The following LRRC40 variants were observed in gnomAD, a reference collection of about 807,000 sequenced individuals.
LRRC40 encodes leucine-rich repeat-containing protein 40.
A neutral mutation model predicts 72.8 loss-of-function variants in LRRC40; 76 were observed. The observed-to-expected ratio is 1.04, with a 90% CI of 0.87 to 1.26. LRRC40 has a LOEUF of 1.26. Ranked by LOEUF, LRRC40 falls within the 50% of genes most tolerant of loss-of-function variation. The pLI is 0.00. For synonymous variants in LRRC40, 243 were observed against 254.2 expected, an observed-to-expected ratio of 0.96 and a Z score of 0.42; for missense variants, 684 against 698.9, an observed-to-expected ratio of 0.98 and a Z score of 0.24.
intron 1 of LRRC40, among the ~76,000 whole-genome samples, chr1:70,192,273 T>C (rs1229647501): frequency 6.6e-6 from 1 of 152,230 alleles, no homozygotes; most frequent in East Asian, 1.9e-4. Context: ...TCTGCTTGGC[T>C]GTTGTTGGTT....
intron 9 of LRRC40, 59 bp from the exon 10 acceptor site, chr1:70,159,497 T>C: frequency 1.3e-6 from 1 of 754,664 alleles, no homozygotes. Flanking sequence ...TTGTTAAAAT[T>C]CTTGATAATA....
chr1:70,197,533 C>T (rs528464867), intron 1 of LRRC40, among the ~76,000 whole-genome samples: 1 of 151,776 alleles, frequency 6.6e-6, no homozygotes, highest in South Asian at 2.1e-4. Context: ...CCCACCTTGG[C>T]CTCCCAAAGT....
At chr1:70,152,402 TA>T in intron 12 of LRRC40, 30 bp downstream of exon 12, 1 of 1,129,634 alleles carries the variant, frequency 8.9e-7, no homozygotes, top group African/African-American at 1.6e-5. Flanking sequence ...TATAACTTTT[TA>T]AAAAGTCAAG....
chr1:70,205,354 C>G, intron 1 of LRRC40, 36 bp downstream of exon 1: 1 of 1,517,512 alleles, frequency 6.6e-7, no homozygotes, highest in Non-Finnish European at 8.9e-7. Context: ...GGCTTTCTGA[C>G]AGGAGACACA....
chr1:70,194,861 A>C (rs1668575566), intron 1 of LRRC40, among the ~76,000 whole-genome samples: 1 of 152,180 alleles, frequency 6.6e-6, no homozygotes, highest in African/African-American at 2.4e-5. Context: ...GTATTAGCAT[A>C]AGGATAAACA....
At position 70,145,566 on chromosome 1, in the gene LRRC40, T is replaced by C. The variant is rs1443991724; in HGVS notation, c.*234A>G. ...CAAATGTATGAACACATTGTGGTTA[T>C]CACCATTACAAATGTATACAACACC... On this transcript the variant is annotated 3_prime_UTR_variant, in exon 15 of 15. Coordinates refer to ENST00000370952, the MANE Select transcript of LRRC40 (RefSeq NM_017768.5). 15 of 302,784 alleles carry C rather than the reference T, an allele frequency of 5.0e-5. No individual in the cohort carries two copies. The East Asian group carries it at 8.2e-4, about 16-fold the overall frequency. 18.8% of individuals were successfully genotyped at this position (302,784 alleles called of 1,614,324 possible).
At chr1:70,146,101 T>G (rs1170586843) in intron 14 of LRRC40, among the ~76,000 whole-genome samples, 196 bp from the exon 15 acceptor site, 1 of 152,144 alleles carries the variant, frequency 6.6e-6, no homozygotes. Context: ...CTCAGCTTAT[T>G]GCAACCTCCA....
chr1:70,205,216 C>G (rs143426068), intron 1 of LRRC40, among the ~76,000 whole-genome samples, 174 bp downstream of exon 1: 1 of 152,176 alleles, frequency 6.6e-6, no homozygotes, highest in Non-Finnish European at 1.5e-5. Flanking sequence ...TGGGAAGGAA[C>G]TGAACTGGGC....
chr1:70,179,478 G>T (rs979275368), intron 5 of LRRC40, among the ~76,000 whole-genome samples: 1 of 152,038 alleles, frequency 6.6e-6, no homozygotes, highest in Non-Finnish European at 1.5e-5. Context: ...TTTAACAACA[G>T]TCCCGGTCAT....
At position 70,144,846 on chromosome 1, in the gene LRRC40, ATTTATC is replaced by A. The variant is rs1395903760; in HGVS notation, c.*948_*953del. On this transcript the variant is annotated 3_prime_UTR_variant, in exon 15 of 15. Transcript: ENST00000370952. ...GTAACTTTTATTCTGAACATGTAGT[ATTTATC>A]TTTATTAGCAATTTTTTTCATAATA... 1 of 152,118 alleles carries A rather than the reference ATTTATC, an allele frequency of 6.6e-6. No individual in the cohort carries two copies. The highest frequency in any genetic ancestry group is 1.5e-5 in the Non-Finnish European group (1 of 68,018). The allele number at this position is 152,118 out of a possible 1,614,324, so 9.4% of individuals were successfully genotyped here.
At position 70,189,152 on chromosome 1, in the gene LRRC40, G is replaced by C. The variant is rs560887853; in HGVS notation, c.273C>G (p.Asn91Lys). Residue 91 changes from asparagine (N) to lysine (K), a missense_variant, in exon 2 of 15, where the codon AAC (asparagine) becomes AAG (lysine). Transcript: ENST00000370952. ...QTDLTKLIIS[N>K]NKLQSLTDDL... ...CATCTGTAAGTGACTGAAGTTTATT[G>C]TTTGATATTATTAGTTTGGTCAAAT... is the stretch of plus-strand genomic sequence containing the variant. 5.0e-6 allele frequency: 8 copies of C among 1,613,794 alleles called. No individual in the cohort carries two copies. In the Admixed American group the frequency reaches 1.3e-4, roughly 27 times the overall value.
chr1:70,190,833 T>C (rs2100335080), intron 1 of LRRC40, among the ~76,000 whole-genome samples: 1 of 152,158 alleles, frequency 6.6e-6, no homozygotes, highest in South Asian at 2.1e-4. Context: ...CTCCATTAGG[T>C]ATTAACAACA....
intron 3 of LRRC40, among the ~76,000 whole-genome samples, chr1:70,186,680 AC>A (rs1668365352): frequency 6.6e-6 from 1 of 152,206 alleles, no homozygotes. Flanking sequence ...TGTCTATATA[AC>A]AAACAAAGGC....
At chr1:70,179,253 G>A (rs1436656609) in intron 5 of LRRC40, among the ~76,000 whole-genome samples, 3 of 152,074 alleles carry the variant, frequency 2.0e-5, no homozygotes, top group Non-Finnish European at 4.4e-5. Flanking sequence ...GGCCCGAGGT[G>A]GGCGGATCAC....
chr1:70,190,677 TA>T (rs59341874), intron 1 of LRRC40, among the ~76,000 whole-genome samples: 763 of 54,350 alleles, frequency 0.014, 42 homozygotes, highest in East Asian at 0.079. Context: ...ACCCTGTCTC[TA>T]AAAAAAAAAA....
At chr1:70,195,226 T>G (rs1241947635) in intron 1 of LRRC40, among the ~76,000 whole-genome samples, 1 of 152,036 alleles carries the variant, frequency 6.6e-6, no homozygotes, top group African/African-American at 2.4e-5. Context: ...TCATAAAAAT[T>G]TATAACTTAC....
intron 11 of LRRC40, among the ~76,000 whole-genome samples, chr1:70,154,533 G>A (rs1667595386): frequency 6.6e-6 from 1 of 152,132 alleles, no homozygotes; most frequent in Non-Finnish European, 1.5e-5. Context: ...TAAAACAAGA[G>A]AGAACCAGAA....
At chr1:70,173,167 C>T (rs1668033855) in intron 9 of LRRC40, among the ~76,000 whole-genome samples, 1 of 151,986 alleles carries the variant, frequency 6.6e-6, no homozygotes, top group Non-Finnish European at 1.5e-5. Flanking sequence ...TCAAGTTTTA[C>T]TCCTTTTTCA....
rs556784009 is a variant in LRRC40, at chr1:70,197,888, T to C, written c.151+7502A>G. ...TGAGGTCAGGAGTTTGAGACCAGCC[T>C]GACCAACATGGTAAAACCCCATCTC... On this transcript the variant is annotated intron_variant, in intron 1 of 14. Transcript: ENST00000370952. Among the ~76,000 whole-genome samples, 231 of 152,164 alleles carry C rather than the reference T, an allele frequency of 1.5e-3. 1 individual carries two copies. Among genetic ancestry groups the C allele is most frequent in the Middle Eastern group, 6.8e-3 (2 of 294 alleles).
Sources: gnomAD v4.1 joint callset for allele counts (sites outside exome capture counted in the v4.1 genomes callset) on GRCh38, gnomAD v4.1.1 for gene constraint, MANE v1.5 for transcripts, NCBI Gene and HGNC (gene_info 2026-07-23, HGNC 2026-07-21) for gene names.